Variants in CDH3 observed in about 807,000 individuals in gnomAD.
The protein encoded by CDH3 is cadherin 3.
CDH3 carries 54 observed loss-of-function variants against 82.0 expected under a neutral mutation model. The observed-to-expected ratio is 0.66, with a 90% CI of 0.53 to 0.83. The LOEUF (loss-of-function observed/expected upper bound fraction) is 0.83, where lower values mean the gene tolerates loss of function less well. Ranked by LOEUF, CDH3 falls within the 40% of genes least tolerant of loss-of-function variation. The pLI, the probability that CDH3 is intolerant of heterozygous loss-of-function variation, is 0.00. For synonymous variants in CDH3, 446 were observed against 437.9 expected, an observed-to-expected ratio of 1.02 and a Z score of -0.23; for missense variants, 1,054 against 1,084.6, an observed-to-expected ratio of 0.97 and a Z score of 0.40.
At chr16:68,704,582 C>T (rs143933083), downstream of CDH3, among the ~76,000 whole-genome samples, 118 of 152,362 alleles carry the variant, frequency 7.7e-4, no homozygotes, top group African/African-American at 2.6e-3. Flanking sequence ...AGCGCCAGGT[C>T]TGCAGGGAGG....
At chr16:68,695,745 T>TC in intron 14 of CDH3, 32 bp from the exon 15 acceptor site, 1 of 1,612,456 alleles carries the variant, frequency 6.2e-7, no homozygotes, top group Non-Finnish European at 8.5e-7. Context: ...ACAGGAGTCC[T>TC]CAGTCACCTG....
rs549854845 is a variant in CDH3, at chr16:68,698,281, T to A, written c.2371T>A (p.Ser791Thr). ...DYEGSGSDAASLSSLTSSASD... is the reference protein window; with the variant it reads ...DYEGSGSDAATLSSLTSSASD... ...TGAGGGCAGCGGCTCCGACGCCGCG[T>A]CCCTGAGCTCCCTCACCTCCTCCGC... The change falls in exon 16 of 16, where the codon TCC (serine) becomes ACC (threonine). Residue 791 changes from serine (S) to threonine (T), a missense_variant. By Grantham distance (58) the Ser-to-Thr change is moderately conservative. Transcript: ENST00000264012. The A allele has an allele frequency of 6.2e-7, 1 of 1,614,232 alleles. No individual in the cohort carries two copies. Among genetic ancestry groups the A allele is most frequent in the African/African-American group, 1.3e-5 (1 of 75,060 alleles).
chr16:68,684,747 C>A lies in CDH3; in HGVS notation c.1347C>A (p.Val449=), dbSNP rs373331409. The change falls in exon 10 of 16, where the codon GTC becomes GTA. Residue 449 remains valine (V), a synonymous_variant. Coordinates refer to ENST00000264012, the MANE Select transcript of CDH3 (RefSeq NM_001793.6). The stretch of plus-strand genomic sequence containing the variant: ...TCCCACCCTCCAAAGTCGTTGAGGT[C>A]CAGGAGGGCATCCCCACTGGGGAGC... ...VFVPPSKVVE[V]QEGIPTGEPV... 6.2e-7 allele frequency: 1 copy of A among 1,614,026 alleles called. No homozygotes were observed. The highest frequency in any genetic ancestry group is 8.5e-7 in the Non-Finnish European group (1 of 1,180,014).
At chr16:68,653,965 C>G (rs1252392461) in intron 2 of CDH3, among the ~76,000 whole-genome samples, 1 of 151,984 alleles carries the variant, frequency 6.6e-6, no homozygotes, top group Non-Finnish European at 1.5e-5. Flanking sequence ...GATCCACCCA[C>G]CTCGGCCTCC....
chr16:68,704,105 T>C (rs1597825725), downstream of CDH3, among the ~76,000 whole-genome samples: 1 of 151,354 alleles, frequency 6.6e-6, no homozygotes, highest in South Asian at 2.1e-4. Context: ...GCTAACACGG[T>C]GAAACCCCGT....
At chr16:68,689,026 T>C (rs1961491530) in intron 12 of CDH3, among the ~76,000 whole-genome samples, 1 of 152,218 alleles carries the variant, frequency 6.6e-6, no homozygotes, top group Non-Finnish European at 1.5e-5. Flanking sequence ...ACAGTATTGA[T>C]CAGTATTGAT....
downstream of CDH3, among the ~76,000 whole-genome samples, chr16:68,729,011 A>G (rs1962256443): frequency 6.6e-6 from 1 of 152,198 alleles, no homozygotes; most frequent in South Asian, 2.1e-4. Context: ...TTCAACCAAA[A>G]ACAAAATGCA....
In CDH3 at chr16:68,678,881, G is replaced by A; in HGVS notation, c.666G>A (p.Gly222=). 6.2e-7 allele frequency: 1 copy of A among 1,613,948 alleles called. No homozygotes were observed. Among genetic ancestry groups the A allele is most frequent in the Non-Finnish European group, 8.5e-7 (1 of 1,180,030 alleles). Residue 222 remains glycine, a synonymous_variant, in exon 6 of 16, where the codon GGG becomes GGA. Transcript: ENST00000264012. ...AGTTTACCCAGGACACCTTCCGAGG[G>A]AGTGTCTTAGAGGGAGTCCTACCAG... ...KPKFTQDTFR[G]SVLEGVLPGT... is the part of the protein sequence containing the mutation.
chr16:68,651,311 C>T (rs940744736), intron 2 of CDH3: 90 of 548,502 alleles, frequency 1.6e-4, no homozygotes, highest in African/African-American at 1.5e-3. Flanking sequence ...ATGTGGCTGG[C>T]GCACTTGTTT....
intron 2 of CDH3, chr16:68,651,731 G>C: frequency 2.0e-6 from 1 of 511,738 alleles, no homozygotes; most frequent in Non-Finnish European, 3.9e-6. Flanking sequence ...TGGAGTGGTT[G>C]ATCTAGGGGA....
chr16:68,673,045 TCTACC>T (rs1226788808), intron 2 of CDH3, among the ~76,000 whole-genome samples: 5 of 152,230 alleles, frequency 3.3e-5, no homozygotes, highest in Non-Finnish European at 7.3e-5. Context: ...ACCCAGTGTT[TCTACC>T]CATTCTCCCT....
intron 2 of CDH3, among the ~76,000 whole-genome samples, chr16:68,668,334 G>C (rs1215096857): frequency 6.6e-6 from 1 of 152,184 alleles, no homozygotes; most frequent in Non-Finnish European, 1.5e-5. Context: ...GTTAGGAACA[G>C]GAGTCAGTTT....
downstream of CDH3, among the ~76,000 whole-genome samples, chr16:68,730,078 C>T (rs902000082): frequency 2.0e-5 from 3 of 151,788 alleles, no homozygotes; most frequent in African/African-American, 7.2e-5. Context: ...ACTAAAAATA[C>T]AAAAATTAGC....
At chr16:68,672,884 C>T (rs1960925216) in intron 2 of CDH3, among the ~76,000 whole-genome samples, 1 of 152,170 alleles carries the variant, frequency 6.6e-6, no homozygotes, top group African/African-American at 2.4e-5. Flanking sequence ...CTTCCTTTGC[C>T]TGGATGAGTT....
At position 68,682,463 on chromosome 16, in the gene CDH3, C is replaced by A. The variant is rs767365028; in HGVS notation, c.1158C>A (p.Asn386Lys). The A allele has an allele frequency of 7.4e-6, 12 of 1,613,960 alleles. No homozygotes were observed. In the South Asian group the frequency reaches 1.1e-4, roughly 15 times the overall value. The change falls in exon 9 of 16, where the codon AAC (asparagine) becomes AAA (lysine). Residue 386 changes from asparagine to lysine, a missense_variant. Coordinates refer to ENST00000264012, the MANE Select transcript of CDH3 (RefSeq NM_001793.6). ...CCATCACCACCCACCCTGAGAGCAA[C>A]CAGGGCATCCTGACAACCAGGAAGG... ...HFTITTHPES[N>K]QGILTTRKGL...
intron 1 of CDH3, among the ~76,000 whole-genome samples, chr16:68,709,256 G>T (rs1326870715): frequency 6.6e-6 from 1 of 151,964 alleles, no homozygotes; most frequent in Non-Finnish European, 1.5e-5. Context: ...TTTGTTTTTG[G>T]TAAGGAAGGG....
chr16:68,678,202 CAA>C lies in CDH3; in HGVS notation c.316_317del (p.Lys106GlufsTer12), dbSNP rs1198380114. 1.2e-6 allele frequency: 2 copies of C among 1,613,658 alleles called. No individual in the cohort carries two copies. The highest frequency in any genetic ancestry group is 1.7e-6 in the Non-Finnish European group (2 of 1,179,532). On this transcript the variant is annotated frameshift_variant, in exon 4 of 16. Transcript: ENST00000264012. LOFTEE classifies it high-confidence loss of function. ...CATCCAAACGTATCTTACGAAGACACAAGAGAGATTGGGTGGTTGCTCCAATA... is the reference window on the plus strand; with the variant it reads ...CATCCAAACGTATCTTACGAAGACACGAGAGATTGGGTGGTTGCTCCAATA... The part of the protein sequence containing the change: ...FPSKRILRRH[K>X]RDWVVAPISV...
intron 9 of CDH3, among the ~76,000 whole-genome samples, chr16:68,683,651 CAAAAAAAAAAAAAAAAAA>C (rs1199101103): frequency 1.4e-5 from 1 of 69,886 alleles, no homozygotes; most frequent in Non-Finnish European, 2.4e-5. Flanking sequence ...GACTCTGTCT[CAAAAAAAAAAAAAAAAAA>C]AAAAAAAAAA....
At chr16:68,723,845 G>A (rs1281919569) in intron 2 of CDH3, among the ~76,000 whole-genome samples, 5 of 152,128 alleles carry the variant, frequency 3.3e-5, no homozygotes, top group African/African-American at 4.8e-5. Flanking sequence ...CGAGGTGGGT[G>A]GATCACAAGG....
Sources: allele counts gnomAD v4.1 joint callset (sites outside exome capture counted in the v4.1 genomes callset), GRCh38; gene constraint gnomAD v4.1.1; transcripts MANE v1.5; gene names NCBI Gene and HGNC (gene_info 2026-07-23, HGNC 2026-07-21).